Variants in GIGYF2 observed in about 807,000 individuals in gnomAD.
The protein encoded by GIGYF2 is GRB10-interacting GYF protein 2.
GIGYF2 carries 25 observed loss-of-function variants against 208.1 expected under a neutral mutation model. The ratio of observed to expected loss-of-function variants is 0.12; its 90% CI spans 0.09 to 0.17. GIGYF2 has a LOEUF of 0.17. Ranked by LOEUF, GIGYF2 falls within the 10% of genes least tolerant of loss-of-function variation. GIGYF2 has a pLI of 1.00. For synonymous variants in GIGYF2, 534 were observed against 543.8 expected, an observed-to-expected ratio of 0.98 and a Z score of 0.25; for missense variants, 1,302 against 1,579.4, an observed-to-expected ratio of 0.82 and a Z score of 2.98.
chr2:232,830,983 C>G (rs1574934005), intron 21 of GIGYF2, among the ~76,000 whole-genome samples: 1 of 152,102 alleles, frequency 6.6e-6, no homozygotes, highest in Non-Finnish European at 1.5e-5. Flanking sequence ...TAGGGTACCC[C>G]TTGATTGGAA....
At chr2:232,815,340 GA>G in intron 18 of GIGYF2, among the ~76,000 whole-genome samples, 3 of 152,242 alleles carry the variant, frequency 2.0e-5, no homozygotes, top group Admixed American at 2.0e-4. Flanking sequence ...AACTACTTCT[GA>G]CCCTTAGTTT....
At chr2:232,783,695 T>G (rs1699800132) in intron 8 of GIGYF2, among the ~76,000 whole-genome samples, 1 of 152,142 alleles carries the variant, frequency 6.6e-6, no homozygotes, top group Non-Finnish European at 1.5e-5. Flanking sequence ...TTTTTTTGTT[T>G]GTTTGTTTGA....
chr2:232,844,389 C>T lies in GIGYF2; in HGVS notation c.3120C>T (p.Ser1040=), dbSNP rs1687795806. 8 of 1,613,276 alleles carry T rather than the reference C, an allele frequency of 5.0e-6. No individual in the cohort carries two copies. Among genetic ancestry groups the T allele is most frequent in the Non-Finnish European group, 6.8e-6 (8 of 1,179,186 alleles). ...RNNTHSNLHT[S]IGNSVWGSIN... is the part of the protein sequence containing the mutation. ...AACAGCATTCCAACCTGCACACCAG[C>T]ATTGGGAATTCTGTTTGGGGCTCTA... Residue 1040 remains serine, a synonymous_variant, in exon 25 of 29, where the codon AGC becomes AGT. Coordinates refer to ENST00000373563, the MANE Select transcript of GIGYF2 (RefSeq NM_001103146.3).
intron 2 of GIGYF2, among the ~76,000 whole-genome samples, chr2:232,730,767 G>A (rs1282161666): frequency 1.4e-5 from 2 of 146,440 alleles, no homozygotes; most frequent in African/African-American, 2.5e-5. Flanking sequence ...GCGTAGTGGC[G>A]GGCGCCTGTA....
Position 232,787,160 on chromosome 2 carries a change from T to G in GIGYF2, c.543T>G (p.Asn181Lys), listed in dbSNP as rs761019931. ...KPGRKDVGRP[N>K]FEEGGPTSVG... ...TTATTTTCTTTATAGGGAGACCAAATTTTGAGGAAGGTGGACCAACATCAG... is the reference window on the plus strand; with the variant it reads ...TTATTTTCTTTATAGGGAGACCAAAGTTTGAGGAAGGTGGACCAACATCAG... The change falls in exon 9 of 29, where the codon AAT (asparagine) becomes AAG (lysine). Residue 181 changes from asparagine (N) to lysine (K), a missense_variant. Around this residue, in one of 8 missense-constraint regions of GIGYF2, gnomAD observed 189 missense variants for 257.7 expected, o/e 0.73. Transcript: ENST00000373563. 1.9e-6 allele frequency: 3 copies of G among 1,613,646 alleles called. No homozygotes were observed. In the South Asian group the frequency reaches 3.3e-5, roughly 18 times the overall value.
At position 232,822,314 on chromosome 2, in the gene GIGYF2, G is replaced by A. The variant is rs111655224; in HGVS notation, c.2529+2329G>A. Reference sequence around the variant, plus strand: ...TTTTTCTCAGTACCATTTTGTTTTCGTTATACAGGTTATGTACATCTTTAA... The same window carrying A: ...TTTTTCTCAGTACCATTTTGTTTTCATTATACAGGTTATGTACATCTTTAA... On this transcript the variant is annotated intron_variant, in intron 21 of 28. Transcript: ENST00000373563. Among the ~76,000 whole-genome samples the A allele has an allele frequency of 1.0e-2, 1,520 of 152,024 alleles. 12 individuals are homozygous for A. Among genetic ancestry groups the A allele is most frequent in the Non-Finnish European group, 0.014 (976 of 67,976 alleles).
intron 1 of GIGYF2, among the ~76,000 whole-genome samples, chr2:232,700,347 C>A (rs1034742609): frequency 2.0e-5 from 3 of 152,154 alleles, no homozygotes; most frequent in African/African-American, 7.2e-5. Flanking sequence ...CATTTTAATA[C>A]TCCATATTGT....
chr2:232,850,028 A>G lies in GIGYF2; in HGVS notation c.3685-234A>G, dbSNP rs983386719. 2.6e-5 allele frequency among the ~76,000 whole-genome samples: 4 copies of G among 152,324 alleles called. No individual in the cohort carries two copies. In the East Asian group the frequency reaches 5.8e-4, roughly 22 times the overall value. On this transcript the variant is annotated intron_variant, in intron 27 of 28. Transcript: ENST00000373563. ...GCAGGGTGGAAACCCAGAGTTAACC[A>G]GGACAGGCTTTGTGGAGGCACTGAG... is the stretch of plus-strand genomic sequence containing the variant.
intron 12 of GIGYF2, among the ~76,000 whole-genome samples, chr2:232,794,059 A>G (rs1700148342): frequency 6.6e-6 from 1 of 152,196 alleles, no homozygotes; most frequent in African/African-American, 2.4e-5. Context: ...TGAGAGGAGC[A>G]GGAATTTGGA....
chr2:232,729,531 T>G (rs1168658103), intron 2 of GIGYF2: 7 of 1,317,922 alleles, frequency 5.3e-6, no homozygotes, highest in Non-Finnish European at 1.0e-6. Context: ...TTTTAGATTT[T>G]GTTGAAAGCA....
rs1559160733 is a variant in GIGYF2, at chr2:232,836,329, TAC to T, written c.2766+3238_2766+3239del. Among the ~76,000 whole-genome samples the T allele has an allele frequency of 3.4e-3, 91 of 26,720 alleles. 6 individuals are homozygous for T. Among genetic ancestry groups the T allele is most frequent in the East Asian group, 0.011 (15 of 1,334 alleles). 17.5% of individuals were successfully genotyped at this position (26,720 alleles called of 152,430 possible). On this transcript the variant is annotated intron_variant, in intron 22 of 28. Transcript: ENST00000373563. ...ATATATATATATATATATATATATA[TAC>T]ATATATATACTTATATATTTATATA...
chr2:232,730,070 G>A, intron 2 of GIGYF2: 2 of 1,064,218 alleles, frequency 1.9e-6, no homozygotes, highest in Admixed American at 1.7e-5. Flanking sequence ...CAGGCGGTGG[G>A]CCAGATGCTG....
chr2:232,726,157 G>A (rs1697191922), intron 2 of GIGYF2, among the ~76,000 whole-genome samples: 1 of 152,136 alleles, frequency 6.6e-6, no homozygotes, highest in South Asian at 2.1e-4. Flanking sequence ...ATCACTTGAG[G>A]TCAGGAGTTT....
At position 232,791,396 on chromosome 2, in the gene GIGYF2, A is replaced by G; in HGVS notation, c.1232A>G (p.Glu411Gly). ...KTEQTEKAEE[E>G]TRMENSLPAK... is the part of the protein sequence containing the mutation. ...GAGCAAACGGAAAAAGCTGAAGAGG[A>G]GACTCGGATGGAAAATAGTCTACCA... Residue 411 changes from glutamate to glycine, a missense_variant, in exon 12 of 29, where the codon GAG becomes GGG. By Grantham distance (98) the Glu-to-Gly change is moderately conservative (BLOSUM62 -2). Around this residue, in one of 8 missense-constraint regions of GIGYF2, gnomAD observed 235 missense variants for 218.8 expected, o/e 1.07. Transcript: ENST00000373563. 2 of 1,614,082 alleles carry G rather than the reference A, an allele frequency of 1.2e-6. No homozygotes were observed. Among genetic ancestry groups the G allele is most frequent in the Non-Finnish European group, 1.7e-6 (2 of 1,179,986 alleles).
chr2:232,730,356 G>C (rs1697409368), intron 2 of GIGYF2, among the ~76,000 whole-genome samples: 1 of 152,130 alleles, frequency 6.6e-6, no homozygotes, highest in Non-Finnish European at 1.5e-5. Flanking sequence ...TGTAGTCCCA[G>C]CACTTTGGGA....
At chr2:232,818,371 T>G (rs1700976764) in intron 20 of GIGYF2, among the ~76,000 whole-genome samples, 1 of 152,228 alleles carries the variant, frequency 6.6e-6, no homozygotes, top group South Asian at 2.1e-4. Flanking sequence ...ATTTTATTTT[T>G]CCCCTAGAAA....
intron 25 of GIGYF2, among the ~76,000 whole-genome samples, chr2:232,845,219 A>G (rs1255560688): frequency 6.6e-6 from 1 of 152,238 alleles, no homozygotes; most frequent in Non-Finnish European, 1.5e-5. Context: ...TGAATACATG[A>G]TAAGTAGTAA....
chr2:232,793,213 C>T (rs538744602), intron 12 of GIGYF2, among the ~76,000 whole-genome samples: 52 of 152,260 alleles, frequency 3.4e-4, no homozygotes, highest in African/African-American at 1.3e-3. Flanking sequence ...TATTGGGAAA[C>T]GTAGTTAGAA....
intron 8 of GIGYF2, among the ~76,000 whole-genome samples, chr2:232,763,471 A>T (rs1698826475): frequency 1.3e-5 from 2 of 152,190 alleles, no homozygotes; most frequent in Non-Finnish European, 2.9e-5. Context: ...TAGGCACAGT[A>T]AGATATTAAC....
Sources: gnomAD v4.1 joint callset for allele counts (sites outside exome capture counted in the v4.1 genomes callset) on GRCh38, gnomAD v4.1.1 for gene constraint, gnomAD v4.1.1 regional missense constraint, MANE v1.5 for transcripts, NCBI Gene and HGNC (gene_info 2026-07-23, HGNC 2026-07-21) for gene names.